SUCLG2: variants seen among roughly 807,000 people sequenced by gnomAD.
SUCLG2 encodes succinate--CoA ligase [GDP-forming] subunit beta, mitochondrial.
A neutral mutation model predicts 47.9 loss-of-function variants in SUCLG2; 42 were observed. The ratio of observed to expected loss-of-function variants is 0.88; its 90% CI spans 0.69 to 1.14. The LOEUF is 1.14. Among genes scored for constraint, SUCLG2 ranks in the 50% most tolerant of loss-of-function variants. SUCLG2 has a pLI of 0.00. For missense variants in SUCLG2, 571 were observed against 525.9 expected, an observed-to-expected ratio of 1.09 and a Z score of -0.84; for synonymous variants, 195 against 197.3, an observed-to-expected ratio of 0.99 and a Z score of 0.10.
chr3:67,376,194 A>G (rs2171934), intron 10 of SUCLG2: 664,928 of 985,198 alleles, frequency 0.67, 224,779 homozygotes, highest in Middle Eastern at 0.82. Flanking sequence ...AAGCCCTCTC[A>G]GACGTCATCA....
At position 67,563,959 on chromosome 3, in the gene SUCLG2, CAAAAAAAA is replaced by C. The variant is rs756674869; in HGVS notation, c.227-34781_227-34774del. Reference sequence around the variant, plus strand: ...TGGACAACAGAGTGAGACTCTGTCTCAAAAAAAAAAAAAAAAAAAGAAAAAAGAAAAAG... The same window carrying C: ...TGGACAACAGAGTGAGACTCTGTCTCAAAAAAAAAAAGAAAAAAGAAAAAG... On this transcript the variant is annotated intron_variant, in intron 2 of 10. Coordinates refer to ENST00000307227, the MANE Select transcript of SUCLG2 (RefSeq NM_003848.4). Among the ~76,000 whole-genome samples, 328 of 78,180 alleles carry C rather than the reference CAAAAAAAA, an allele frequency of 4.2e-3. 2 individuals carry two copies. The highest frequency in any genetic ancestry group is 0.014 in the African/African-American group (314 of 21,962). 51.3% of individuals were successfully genotyped at this position (78,180 alleles called of 152,430 possible).
intron 1 of SUCLG2, among the ~76,000 whole-genome samples, chr3:67,638,473 C>A (rs1487750752): frequency 6.6e-6 from 1 of 152,192 alleles, no homozygotes; most frequent in African/African-American, 2.4e-5. Flanking sequence ...CAGCACACAG[C>A]TGAATGCAAA....
chr3:67,596,680 C>G (rs1708301158), intron 2 of SUCLG2, among the ~76,000 whole-genome samples: 1 of 152,126 alleles, frequency 6.6e-6, no homozygotes, highest in Non-Finnish European at 1.5e-5. Flanking sequence ...AACCTCAGTA[C>G]CTGATTATTT....
chr3:67,399,552 C>T (rs187583834), intron 10 of SUCLG2, among the ~76,000 whole-genome samples: 4 of 152,318 alleles, frequency 2.6e-5, no homozygotes, highest in Admixed American at 2.6e-4. Context: ...TGCACCTGCC[C>T]TGTGAACTTG....
chr3:67,599,853 A>G (rs1052311947), intron 2 of SUCLG2, among the ~76,000 whole-genome samples: 18 of 152,112 alleles, frequency 1.2e-4, no homozygotes, highest in African/African-American at 4.3e-4. Flanking sequence ...TACTTACCCA[A>G]TTTTCATCCT....
At chr3:67,373,861 TA>T (rs1478783615), downstream of SUCLG2, among the ~76,000 whole-genome samples, 1 of 152,146 alleles carries the variant, frequency 6.6e-6, no homozygotes, top group African/African-American at 2.4e-5. Flanking sequence ...TGCCTGAGAA[TA>T]AAACAATTAG....
chr3:67,560,189 G>A (rs1707272406), intron 2 of SUCLG2, among the ~76,000 whole-genome samples: 1 of 152,210 alleles, frequency 6.6e-6, no homozygotes, highest in South Asian at 2.1e-4. Context: ...CTTATTTGGA[G>A]ATTGAGTTGT....
At chr3:67,392,541 A>G (rs1035427576) in intron 10 of SUCLG2, among the ~76,000 whole-genome samples, 4 of 152,120 alleles carry the variant, frequency 2.6e-5, no homozygotes, top group Non-Finnish European at 4.4e-5. Flanking sequence ...TTGGGTTTTC[A>G]TTTTACCCCT....
At chr3:67,539,606 AT>A (rs1706644769) in intron 2 of SUCLG2, among the ~76,000 whole-genome samples, 1 of 151,942 alleles carries the variant, frequency 6.6e-6, no homozygotes, top group Admixed American at 6.6e-5. Flanking sequence ...CTCCTTTTCT[AT>A]TGTTTGGAAT....
intron 2 of SUCLG2, among the ~76,000 whole-genome samples, chr3:67,563,286 G>T (rs926761045): frequency 2.0e-5 from 3 of 152,048 alleles, no homozygotes; most frequent in Non-Finnish European, 2.9e-5. Context: ...AAACAGTATG[G>T]TCTCTTAAGG....
intron 2 of SUCLG2, among the ~76,000 whole-genome samples, chr3:67,605,810 A>C (rs1284326170): frequency 6.6e-6 from 1 of 152,098 alleles, no homozygotes; most frequent in East Asian, 1.9e-4. Context: ...CTGAAGAACT[A>C]ATTTTCTTTT....
At chr3:67,458,639 C>A (rs893228738) in intron 9 of SUCLG2, among the ~76,000 whole-genome samples, 4 of 152,094 alleles carry the variant, frequency 2.6e-5, no homozygotes, top group Non-Finnish European at 4.4e-5. Context: ...TTCAACACAT[C>A]ACATCACACA....
chr3:67,396,989 C>T (rs1193568334), intron 10 of SUCLG2, among the ~76,000 whole-genome samples: 2 of 151,786 alleles, frequency 1.3e-5, no homozygotes, highest in African/African-American at 4.8e-5. Context: ...ATGCTAAAAA[C>T]TCTCAATAAA....
In SUCLG2 at chr3:67,518,299, T is replaced by C. The variant is rs201652728; in HGVS notation, c.608A>G (p.Gln203Arg). 6.2e-7 allele frequency: 1 copy of C among 1,612,766 alleles called. No homozygotes were observed. The highest frequency in any genetic ancestry group is 2.2e-5 in the East Asian group (1 of 44,830). The change falls in exon 6 of 11, where the codon CAA (glutamine) becomes CGA (arginine). Residue 203 changes from glutamine (Q) to arginine (R), a missense_variant. Physicochemically the swap from Gln to Arg is conservative, Grantham distance 43. Transcript: ENST00000307227. ...TAGATTTTCGGCCATCCGCTGAGCTTGGCTGTCCTTTATTCCTTCAAAAAT... is the reference window on the plus strand; with the variant it reads ...TAGATTTTCGGCCATCCGCTGAGCTCGGCTGTCCTTTATTCCTTCAAAAAT... ...IDIFEGIKDS[Q>R]AQRMAENLGF...
intron 10 of SUCLG2, among the ~76,000 whole-genome samples, chr3:67,395,848 G>C (rs1179488983): frequency 6.6e-6 from 1 of 152,072 alleles, no homozygotes; most frequent in Non-Finnish European, 1.5e-5. Flanking sequence ...AATCAAACTA[G>C]AACTCAGGAT....
chr3:67,499,480 T>A (rs1302195132), intron 7 of SUCLG2, among the ~76,000 whole-genome samples: 1 of 152,110 alleles, frequency 6.6e-6, no homozygotes, highest in African/African-American at 2.4e-5. Context: ...TTAGCACAAT[T>A]GTCTCTAGTT....
At chr3:67,524,167 A>T (rs928743118) in intron 4 of SUCLG2, among the ~76,000 whole-genome samples, 5 of 152,226 alleles carry the variant, frequency 3.3e-5, no homozygotes, top group Non-Finnish European at 4.4e-5. Context: ...ATCTAAATGG[A>T]ATCCACAAAC....
intron 1 of SUCLG2, among the ~76,000 whole-genome samples, chr3:67,644,523 G>A (rs1243975912): frequency 6.6e-6 from 1 of 152,040 alleles, no homozygotes; most frequent in Non-Finnish European, 1.5e-5. Context: ...CAGAGTTTTA[G>A]TAGGGGAGGA....
intron 2 of SUCLG2, among the ~76,000 whole-genome samples, chr3:67,561,816 A>G (rs747751548): frequency 3.3e-5 from 5 of 152,356 alleles, no homozygotes; most frequent in Non-Finnish European, 7.3e-5. Context: ...ATTCCTGTAC[A>G]TACCAGTTCA....
Sources: allele counts gnomAD v4.1 joint callset (sites outside exome capture counted in the v4.1 genomes callset), GRCh38; gene constraint gnomAD v4.1.1; transcripts MANE v1.5; gene names NCBI Gene and HGNC (gene_info 2026-07-23, HGNC 2026-07-21).